The following BCKDHB variants were observed in gnomAD, a reference collection of about 807,000 sequenced individuals.
The protein encoded by BCKDHB is 2-oxoisovalerate dehydrogenase subunit beta, mitochondrial.
A neutral mutation model predicts 48.5 loss-of-function variants in BCKDHB; 41 were observed. The ratio of observed to expected loss-of-function variants is 0.85; its 90% CI spans 0.66 to 1.10. The LOEUF (loss-of-function observed/expected upper bound fraction) is 1.10. Ranked by LOEUF, BCKDHB falls within the 50% of genes least tolerant of loss-of-function variation. The pLI is 0.00. For synonymous variants in BCKDHB, 201 were observed against 174.8 expected, an observed-to-expected ratio of 1.15 and a Z score of -1.18; for missense variants, 496 against 494.2, an observed-to-expected ratio of 1.00 and a Z score of -0.03.
At chr6:80,106,650 C>T (rs760175655), upstream of BCKDHB, 1 of 1,538,786 alleles carries the variant, frequency 6.5e-7, no homozygotes, top group East Asian at 2.5e-5. Context: ...TCCCCGCAGG[C>T]GGCGTGCGGC....
chr6:80,109,774 C>T (rs997679580), intron 1 of BCKDHB, among the ~76,000 whole-genome samples: 1 of 152,100 alleles, frequency 6.6e-6, no homozygotes, highest in African/African-American at 2.4e-5. Flanking sequence ...TGCTCTTTTC[C>T]AGGTGTTGTG....
chr6:80,415,329 A>G, the BCKDHB span, among the ~76,000 whole-genome samples: 6 of 151,128 alleles, frequency 4.0e-5, no homozygotes, highest in Admixed American at 6.6e-5. Flanking sequence ...GGGCGTCCTC[A>G]TCTTACCTTG....
chr6:80,114,855 A>G (rs1253614066), intron 1 of BCKDHB, among the ~76,000 whole-genome samples: 3 of 152,210 alleles, frequency 2.0e-5, no homozygotes, highest in Non-Finnish European at 4.4e-5. Context: ...TCACCAACAT[A>G]TAAAGGGGGT....
At chr6:80,139,694 T>C (rs1393493940) in intron 3 of BCKDHB, among the ~76,000 whole-genome samples, 1 of 152,136 alleles carries the variant, frequency 6.6e-6, no homozygotes, top group South Asian at 2.1e-4. Context: ...CCATGCTGTT[T>C]TGGTTACTGT....
Position 80,273,204 on chromosome 6 carries a change from A to G in BCKDHB, c.1021A>G (p.Ile341Val). Residue 341 changes from isoleucine to valine, a missense_variant, in exon 9 of 10, where the codon ATC becomes GTC. By Grantham distance (29) the Ile-to-Val change is conservative. Coordinates refer to ENST00000320393, the MANE Select transcript of BCKDHB (RefSeq NM_183050.4). ...CTTGACAGGCGGCTTTGCATCGGAA[A>G]TCAGCTCTACAGTTCAGGTAGAGTA... The part of the protein sequence containing the change: ...APLTGGFASE[I>V]SSTVQEECFL... 6.2e-7 allele frequency: 1 copy of G among 1,613,534 alleles called. No homozygotes were observed. Among genetic ancestry groups the G allele is most frequent in the South Asian group, 1.1e-5 (1 of 91,084 alleles).
intron 7 of BCKDHB, among the ~76,000 whole-genome samples, chr6:80,201,960 C>T (rs1774416912): frequency 6.6e-6 from 1 of 152,108 alleles, no homozygotes; most frequent in Non-Finnish European, 1.5e-5. Flanking sequence ...AGCTAGAGTC[C>T]TTATGGTTTC....
At position 80,344,993 on chromosome 6, in the gene BCKDHB, A is replaced by C. The variant is rs1190859539; in HGVS notation, c.*1189A>C. The stretch of plus-strand genomic sequence containing the variant: ...TAAGGAAAAATTTTACCTGAAAACA[A>C]ACAAACAAACCCTAAAACTCAGCAC... On this transcript the variant is annotated 3_prime_UTR_variant, in exon 10 of 10. Coordinates refer to ENST00000320393, the MANE Select transcript of BCKDHB (RefSeq NM_183050.4). 6.6e-6 allele frequency: 1 copy of C among 152,194 alleles called. No homozygotes were observed. The highest frequency in any genetic ancestry group is 1.5e-5 in the Non-Finnish European group (1 of 68,036). 9.4% of individuals were successfully genotyped at this position (152,194 alleles called of 1,614,324 possible).
chr6:80,261,520 G>C (rs1381208554), intron 8 of BCKDHB, among the ~76,000 whole-genome samples: 1 of 152,064 alleles, frequency 6.6e-6, no homozygotes, highest in African/African-American at 2.4e-5. Context: ...TCAGCAAATA[G>C]TTTTGAGGTC....
intron 8 of BCKDHB, among the ~76,000 whole-genome samples, chr6:80,265,089 C>G (rs1295120990): frequency 6.6e-6 from 1 of 152,086 alleles, no homozygotes; most frequent in African/African-American, 2.4e-5. Context: ...GAAATTGCAT[C>G]TCTTGTGCAC....
At chr6:80,327,012 G>T (rs1307606483) in intron 9 of BCKDHB, among the ~76,000 whole-genome samples, 1 of 152,068 alleles carries the variant, frequency 6.6e-6, no homozygotes, top group African/African-American at 2.4e-5. Flanking sequence ...GTTATCGTAA[G>T]ATTCAGATTA....
intron 9 of BCKDHB, among the ~76,000 whole-genome samples, chr6:80,341,242 G>A (rs1397627749): frequency 6.6e-6 from 1 of 152,132 alleles, no homozygotes; most frequent in Non-Finnish European, 1.5e-5. Context: ...AATTAAGGAA[G>A]CCCTATGTGT....
chr6:80,188,854 C>A (rs1333942207), intron 6 of BCKDHB, among the ~76,000 whole-genome samples: 3 of 151,986 alleles, frequency 2.0e-5, no homozygotes, highest in Non-Finnish European at 4.4e-5. Context: ...AGTTTAGTAG[C>A]CATTGATGGG....
intron 8 of BCKDHB, among the ~76,000 whole-genome samples, chr6:80,223,905 G>A (rs558798624): frequency 6.6e-6 from 1 of 152,274 alleles, no homozygotes; most frequent in African/African-American, 2.4e-5. Context: ...CCTTTTATCT[G>A]TGAGTCTAGT....
Position 80,200,946 on chromosome 6 carries a change from CTATA to C in BCKDHB, c.756_759del (p.Ile253AsnfsTer21), listed in dbSNP as rs779370354. The C allele has an allele frequency of 6.2e-7, 1 of 1,609,870 alleles. No individual in the cohort carries two copies. Among genetic ancestry groups the C allele is most frequent in the Non-Finnish European group, 8.5e-7 (1 of 1,176,860 alleles). On this transcript the variant is annotated frameshift_variant, in exon 7 of 10. Transcript: ENST00000320393. LOFTEE classifies it high-confidence loss of function. ...GTTCTGTATTTAGCGGAAGAAGTCC[CTATA>C]GAACCATACAACATCCCACTGTCCC...
At chr6:80,161,780 G>T (rs898915278) in intron 3 of BCKDHB, among the ~76,000 whole-genome samples, 5 of 152,168 alleles carry the variant, frequency 3.3e-5, no homozygotes. Context: ...AGCAATAACA[G>T]TGGTCTCTGC....
intron 8 of BCKDHB, among the ~76,000 whole-genome samples, chr6:80,216,405 T>C (rs776568703): frequency 1.3e-5 from 2 of 152,248 alleles, no homozygotes; most frequent in Non-Finnish European, 2.9e-5. Context: ...AAATGTGACC[T>C]GTATACACCT....
intron 8 of BCKDHB, among the ~76,000 whole-genome samples, chr6:80,269,982 T>C (rs1777667656): frequency 6.6e-6 from 1 of 152,098 alleles, no homozygotes; most frequent in African/African-American, 2.4e-5. Flanking sequence ...TGTACTTTAA[T>C]CAGAATATCT....
At chr6:80,448,654 A>C in the BCKDHB span, among the ~76,000 whole-genome samples, 1 of 152,230 alleles carries the variant, frequency 6.6e-6, no homozygotes, top group Non-Finnish European at 1.5e-5. Context: ...AACACACACA[A>C]AAGTGGAAGA....
chr6:80,382,254 G>A, the BCKDHB span, among the ~76,000 whole-genome samples: 2 of 152,134 alleles, frequency 1.3e-5, no homozygotes, highest in South Asian at 4.1e-4. Flanking sequence ...TGGAAATTGC[G>A]AGACAAAAAT....
Sources: allele counts gnomAD v4.1 joint callset (sites outside exome capture counted in the v4.1 genomes callset), GRCh38; gene constraint gnomAD v4.1.1; transcripts MANE v1.5; gene names NCBI Gene and HGNC (gene_info 2026-07-23, HGNC 2026-07-21).